TRMT1L: variants seen among roughly 807,000 people sequenced by gnomAD.
TRMT1L encodes tRNA methyltransferase 1L, also known as tRNA (guanine(27)-N(2))-dimethyltransferase.
A neutral mutation model predicts 81.6 loss-of-function variants in TRMT1L; 28 were observed. The ratio of observed to expected loss-of-function variants is 0.34; its 90% CI spans 0.25 to 0.47. The LOEUF (loss-of-function observed/expected upper bound fraction) is 0.47, where lower values mean the gene tolerates loss of function less well. Ranked by LOEUF, TRMT1L falls within the 20% of genes least tolerant of loss-of-function variation. The probability of loss-of-function intolerance (pLI) is 1.00; values close to 1 mark genes in which losing one functional copy is unlikely to be tolerated. For synonymous variants in TRMT1L, 301 were observed against 303.2 expected (o/e 0.99, Z 0.07); for missense variants, 739 against 877.1 (o/e 0.84, Z 1.99).
intron 10 of TRMT1L, among the ~76,000 whole-genome samples, chr1:185,133,064 TGTG>T (rs1207301267): frequency 6.6e-6 from 1 of 152,180 alleles, no homozygotes; most frequent in Non-Finnish European, 1.5e-5. Context: ...GATTACCTAA[TGTG>T]CTTAACTATG....
chr1:185,150,312 T>C, intron 3 of TRMT1L, 67 bp downstream of exon 3: 1 of 1,132,390 alleles, frequency 8.8e-7, no homozygotes, highest in South Asian at 1.4e-5. Context: ...ATGATAAAAA[T>C]GCCAAAACTG....
In TRMT1L at chr1:185,120,230, C is replaced by G. The variant is rs1259143514; in HGVS notation, c.1991G>C (p.Arg664Pro). The change falls in exon 15 of 15, where the codon CGA (arginine) becomes CCA (proline). Residue 664 changes from arginine to proline, a missense_variant. Physicochemically the swap from Arg to Pro is moderately radical, Grantham distance 103 (BLOSUM62 -2). Around this residue, in one of 4 missense-constraint regions of TRMT1L, gnomAD observed 196 missense variants for 232.6 expected, o/e 0.84. Coordinates refer to ENST00000367506, the MANE Select transcript of TRMT1L (RefSeq NM_030934.5). ...TGGGTCAAAATGAGTTCGGCTTACT[C>G]GAAAGCCTGCTTGAGATAAATAGCA... ...FLCYLSQAGF[R>P]VSRTHFDPMG... is the part of the protein sequence containing the mutation. 1 of 1,594,178 alleles carries G rather than the reference C, an allele frequency of 6.3e-7. No individual in the cohort carries two copies. Among genetic ancestry groups the G allele is most frequent in the Admixed American group, 1.7e-5 (1 of 59,364 alleles).
intron 4 of TRMT1L, among the ~76,000 whole-genome samples, chr1:185,145,945 A>G (rs1571355224): frequency 6.6e-6 from 1 of 151,946 alleles, no homozygotes. Flanking sequence ...TGGCATAAAT[A>G]CTCTGCTATA....
intron 11 of TRMT1L, among the ~76,000 whole-genome samples, chr1:185,126,255 T>G (rs548113176): frequency 6.6e-6 from 1 of 152,308 alleles, no homozygotes; most frequent in African/African-American, 2.4e-5. Flanking sequence ...GAGTAATTAC[T>G]ACTTTTCAGT....
At chr1:185,126,402 C>G (rs1237527484) in intron 11 of TRMT1L, among the ~76,000 whole-genome samples, 1 of 152,272 alleles carries the variant, frequency 6.6e-6, no homozygotes, top group Admixed American at 6.5e-5. Flanking sequence ...TCACGACATT[C>G]TCCTGTCTCA....
intron 3 of TRMT1L, among the ~76,000 whole-genome samples, chr1:185,150,021 A>G (rs1002761607): frequency 6.6e-6 from 1 of 152,186 alleles, no homozygotes; most frequent in African/African-American, 2.4e-5. Context: ...TCCAATATTC[A>G]TACAAATTAT....
chr1:185,142,377 C>T (rs1275909883), intron 7 of TRMT1L, among the ~76,000 whole-genome samples: 4 of 152,170 alleles, frequency 2.6e-5, no homozygotes, highest in Non-Finnish European at 5.9e-5. Context: ...AGAGCTAACT[C>T]ATGCTTTCAC....
At position 185,119,844 on chromosome 1, in the gene TRMT1L, G is replaced by T; in HGVS notation, c.*175C>A. ...TTTGCCTTAAAACAAAAAAAAACTTGGAAAGCAAAGCTCCCAAACCAGCTA... is the reference window on the plus strand; with the variant it reads ...TTTGCCTTAAAACAAAAAAAAACTTTGAAAGCAAAGCTCCCAAACCAGCTA... On this transcript the variant is annotated 3_prime_UTR_variant, in exon 15 of 15. Transcript: ENST00000367506. The T allele has an allele frequency of 2.7e-6, 2 of 737,484 alleles. No individual in the cohort carries two copies. Among genetic ancestry groups the T allele is most frequent in the South Asian group, 3.7e-5 (1 of 27,062 alleles). The allele number at this position is 737,484 out of a possible 1,614,324, so 45.7% of individuals were successfully genotyped here. A position where few individuals can be genotyped will look rare whatever the true frequency, so the allele number is the denominator to read the frequency against.
chr1:185,124,738 C>A, intron 12 of TRMT1L: 1 of 341,164 alleles, frequency 2.9e-6, no homozygotes, highest in Non-Finnish European at 5.2e-6. Context: ...TCATCATTCA[C>A]CTATTCATCT....
At chr1:185,142,237 A>AT (rs946909078) in intron 7 of TRMT1L, among the ~76,000 whole-genome samples, 1 of 152,170 alleles carries the variant, frequency 6.6e-6, no homozygotes, top group Non-Finnish European at 1.5e-5. Flanking sequence ...AGATGAGCAA[A>AT]TTGAGGCACA....
chr1:185,136,626 T>C (rs1400059246), intron 10 of TRMT1L, among the ~76,000 whole-genome samples: 2 of 152,206 alleles, frequency 1.3e-5, no homozygotes, highest in African/African-American at 2.4e-5. Context: ...TATTTACTTT[T>C]ATATTAAGGG....
chr1:185,122,609 A>G (rs767098116), intron 13 of TRMT1L, among the ~76,000 whole-genome samples: 2 of 151,986 alleles, frequency 1.3e-5, no homozygotes, highest in Non-Finnish European at 2.9e-5. Flanking sequence ...GATTTAAGAT[A>G]ATTTTGCTGA....
chr1:185,150,786 A>G (rs12093884), intron 2 of TRMT1L, among the ~76,000 whole-genome samples: 1 of 152,188 alleles, frequency 6.6e-6, no homozygotes, highest in Non-Finnish European at 1.5e-5. Flanking sequence ...CTTCCGGCCA[A>G]ATTTTCTGCC....
At chr1:185,134,398 G>C (rs1257334629) in intron 10 of TRMT1L, among the ~76,000 whole-genome samples, 1 of 152,136 alleles carries the variant, frequency 6.6e-6, no homozygotes, top group Non-Finnish European at 1.5e-5. Context: ...CACCATGTTG[G>C]CCAGTTTCGA....
Position 185,144,034 on chromosome 1 carries a change from G to A in TRMT1L, c.656-5C>T. The stretch of plus-strand genomic sequence containing the variant: ...TAGGTGGTTTAGCAGTGGAAGCTAA[G>A]ATGGAAAAAAGAAAAGATTTCCAGG... On this transcript the variant is annotated splice_region_variant and splice_polypyrimidine_tract_variant and intron_variant, in intron 5 of 14. Coordinates refer to ENST00000367506, the MANE Select transcript of TRMT1L (RefSeq NM_030934.5). 2 of 1,562,998 alleles carry A rather than the reference G, an allele frequency of 1.3e-6. No homozygotes were observed. Among genetic ancestry groups the A allele is most frequent in the Admixed American group, 2.0e-5 (1 of 50,484 alleles).
chr1:185,144,255 T>C (rs1285361582), intron 5 of TRMT1L, among the ~76,000 whole-genome samples: 1 of 152,030 alleles, frequency 6.6e-6, no homozygotes, highest in East Asian at 1.9e-4. Context: ...TAACACTCAG[T>C]TAAACATCTG....
chr1:185,136,199 C>T (rs1652894594), intron 10 of TRMT1L, among the ~76,000 whole-genome samples: 1 of 152,052 alleles, frequency 6.6e-6, no homozygotes, highest in African/African-American at 2.4e-5. Context: ...TACTACAGGT[C>T]AGGAGTTTCA....
At chr1:185,144,497 T>C (rs1653133281) in intron 5 of TRMT1L, among the ~76,000 whole-genome samples, 2 of 152,000 alleles carry the variant, frequency 1.3e-5, no homozygotes, top group South Asian at 2.1e-4. Context: ...AATCACTCTA[T>C]TTCCTGAACA....
chr1:185,124,789 A>G, intron 12 of TRMT1L, 155 bp downstream of exon 12: 1 of 624,976 alleles, frequency 1.6e-6, no homozygotes, highest in Non-Finnish European at 2.4e-6. Flanking sequence ...TGTAATTAAA[A>G]AAAAACCAGA....
Sources: allele counts gnomAD v4.1 joint callset (sites outside exome capture counted in the v4.1 genomes callset), GRCh38; gene constraint gnomAD v4.1.1; regional missense constraint gnomAD v4.1.1; transcripts MANE v1.5; gene names NCBI Gene and HGNC (gene_info 2026-07-23, HGNC 2026-07-21).